The following OR56A3 variants were observed in gnomAD, a reference collection of about 807,000 sequenced individuals.
OR56A3 encodes the protein olfactory receptor family 56 subfamily A member 3, also known as olfactory receptor 56A3.
Under a neutral mutation model 17.5 loss-of-function variants are expected in OR56A3, and 23 were observed. The observed-to-expected ratio is 1.32, with a 90% CI of 0.95 to 1.87. The LOEUF is 1.87. OR56A3 is among the 40% of genes most tolerant of loss of function. The probability of loss-of-function intolerance (pLI) is 0.00; values close to 1 mark genes in which losing one functional copy is unlikely to be tolerated. For missense variants in OR56A3, 366 were observed against 380.1 expected, an observed-to-expected ratio of 0.96 and a Z score of 0.31; for synonymous variants, 175 against 150.6, an observed-to-expected ratio of 1.16 and a Z score of -1.19.
chr11:5,993,670 A>C, the OR56A3 span, among the ~76,000 whole-genome samples: 1 of 152,258 alleles, frequency 6.6e-6, no homozygotes, highest in Non-Finnish European at 1.5e-5. Context: ...GAGAAATATT[A>C]ATATAATGCA....
At position 5,947,610 on chromosome 11, in the gene OR56A3, C is replaced by G; in HGVS notation, c.264C>G (p.Ile88Met). The G allele has an allele frequency of 1.2e-6, 2 of 1,614,216 alleles. No homozygotes were observed. Among genetic ancestry groups the G allele is most frequent in the Non-Finnish European group, 1.7e-6 (2 of 1,180,032 alleles). The change falls in exon 3 of 3, where the codon ATC becomes ATG. Residue 88 changes from isoleucine to methionine, a missense_variant. Physicochemically the swap from Ile to Met is conservative, Grantham distance 10 (BLOSUM62 1). Transcript: ENST00000641160. Reference protein sequence around the residue: ...CLTVIPKVLTIFWFDLRPISF... With the variant: ...CLTVIPKVLTMFWFDLRPISF... ...CTGTCATCCCCAAGGTCCTGACCAT[C>G]TTCTGGTTTGACCTCAGGCCCATCA...
At chr11:6,014,459 T>C in the OR56A3 span, among the ~76,000 whole-genome samples, 1 of 152,198 alleles carries the variant, frequency 6.6e-6, no homozygotes, top group African/African-American at 2.4e-5. Flanking sequence ...TTGGTCATGC[T>C]CCTTCCATGT....
At chr11:6,021,770 T>C in the OR56A3 span, 1 of 151,874 alleles carries the variant, frequency 6.6e-6, no homozygotes, top group South Asian at 2.1e-4. Flanking sequence ...TTGAAAACAA[T>C]GATCAGGAGA....
In OR56A3 at chr11:5,947,648, G is replaced by A; in HGVS notation, c.302G>A (p.Cys101Tyr). The change falls in exon 3 of 3, where the codon TGC becomes TAC. Residue 101 changes from cysteine (C) to tyrosine (Y), a missense_variant. Cys to Tyr is a radical substitution (Grantham distance 194). Coordinates refer to ENST00000641160, the MANE Select transcript of OR56A3 (RefSeq NM_001003443.3). ...FDLRPISFPA[C>Y]FLQMYIMNCF... ...CTCAGGCCCATCAGCTTCCCTGCCT[G>A]CTTCCTCCAGATGTACATCATGAAT... The A allele has an allele frequency of 1.9e-6, 3 of 1,614,154 alleles. No individual in the cohort carries two copies. Among genetic ancestry groups the A allele is most frequent in the Non-Finnish European group, 2.5e-6 (3 of 1,180,030 alleles).
intron 1 of OR56A3, among the ~76,000 whole-genome samples, chr11:5,943,117 T>A (rs934686204): frequency 6.6e-6 from 1 of 152,236 alleles, no homozygotes; most frequent in Non-Finnish European, 1.5e-5. Flanking sequence ...TGTTTCCAGA[T>A]GCTTTACTTC....
chr11:5,949,691 A>G lies in OR56A3; in HGVS notation c.*1397A>G, dbSNP rs1847896733. 1 of 152,110 alleles carries G rather than the reference A, an allele frequency of 6.6e-6. No individual in the cohort carries two copies. The highest frequency in any genetic ancestry group is 1.5e-5 in the Non-Finnish European group (1 of 68,032). The allele number at this position is 152,110 out of a possible 1,614,324, so 9.4% of individuals were successfully genotyped here. ...GTCCGAATGTTTTAAATTTAACTGA[A>G]AGCATCTGAGATTAAGCCCTGTCCT... On this transcript the variant is annotated 3_prime_UTR_variant, in exon 3 of 3. Coordinates refer to ENST00000641160, the MANE Select transcript of OR56A3 (RefSeq NM_001003443.3).
rs1847893736 is a variant in OR56A3, at chr11:5,949,164, T to C, written c.*870T>C. ...ATTATTTTCTCATTAATTGGACAGC[T>C]TCTAAGCACACATGGTGTCCTGTGA... On this transcript the variant is annotated 3_prime_UTR_variant, in exon 3 of 3. Coordinates refer to ENST00000641160, the MANE Select transcript of OR56A3 (RefSeq NM_001003443.3). 6.6e-6 allele frequency: 1 copy of C among 152,224 alleles called. No homozygotes were observed. Among genetic ancestry groups the C allele is most frequent in the African/African-American group, 2.4e-5 (1 of 41,452 alleles). The allele number at this position is 152,224 out of a possible 1,614,324, so 9.4% of individuals were successfully genotyped here.
At chr11:6,014,709 A>G in the OR56A3 span, among the ~76,000 whole-genome samples, 2 of 152,138 alleles carry the variant, frequency 1.3e-5, no homozygotes, top group Non-Finnish European at 2.9e-5. Context: ...TAAAGTTTGG[A>G]CCTTCCTAGA....
At chr11:5,973,448 AT>A in the OR56A3 span, among the ~76,000 whole-genome samples, 5 of 152,142 alleles carry the variant, frequency 3.3e-5, no homozygotes, top group African/African-American at 4.8e-5. Flanking sequence ...GAATCAACAT[AT>A]TTTTGTCGAA....
the OR56A3 span, among the ~76,000 whole-genome samples, chr11:5,959,129 T>C: frequency 0.26 from 39,191 of 152,122 alleles, 5,057 homozygotes; most frequent in Non-Finnish European, 0.27. Flanking sequence ...TTTCTTTCCT[T>C]TGGATATATA....
At chr11:5,995,120 G>T in the OR56A3 span, 1 of 578,292 alleles carries the variant, frequency 1.7e-6, no homozygotes, top group South Asian at 1.9e-5. Context: ...CCCAGGGACC[G>T]GTAGTTGGTG....
At chr11:5,960,429 G>T in the OR56A3 span, among the ~76,000 whole-genome samples, 1 of 152,210 alleles carries the variant, frequency 6.6e-6, no homozygotes, top group Non-Finnish European at 1.5e-5. Context: ...CTGACTGGTT[G>T]TCGTATTTTT....
At chr11:5,977,106 A>G in the OR56A3 span, among the ~76,000 whole-genome samples, 3 of 152,014 alleles carry the variant, frequency 2.0e-5, no homozygotes, top group Non-Finnish European at 4.4e-5. Flanking sequence ...TCTTTATCCA[A>G]CCCACTGTTG....
the OR56A3 span, among the ~76,000 whole-genome samples, chr11:5,966,575 T>C: frequency 1 from 152,041 of 152,154 alleles, 75,964 homozygotes; most frequent in Non-Finnish European, 1. Context: ...ATATAGGTCC[T>C]ACCTATATAC....
chr11:5,944,768 C>T (rs890210171), intron 1 of OR56A3, 38 bp from the exon 2 acceptor site: 4 of 152,146 alleles, frequency 2.6e-5, no homozygotes, highest in African/African-American at 4.8e-5. Context: ...TCATTTTGAA[C>T]TTATCAGGTC....
Position 5,949,536 on chromosome 11 carries a change from C to T in OR56A3, c.*1242C>T, listed in dbSNP as rs60649466. On this transcript the variant is annotated 3_prime_UTR_variant, in exon 3 of 3. Coordinates refer to ENST00000641160, the MANE Select transcript of OR56A3 (RefSeq NM_001003443.3). ...TCATCCAATACCTGATAATAGTGAG[C>T]GATTTGTTTTAGAATATTCTTCTAA... is the stretch of plus-strand genomic sequence containing the variant. 2 of 152,236 alleles carry T rather than the reference C, an allele frequency of 1.3e-5. No homozygotes were observed. The highest frequency in any genetic ancestry group is 1.9e-4 in the East Asian group (1 of 5,190). The allele number at this position is 152,236 out of a possible 1,614,324, so 9.4% of individuals were successfully genotyped here.
the OR56A3 span, among the ~76,000 whole-genome samples, chr11:6,011,384 A>T: frequency 2.1e-4 from 32 of 152,072 alleles, no homozygotes; most frequent in African/African-American, 7.5e-4. Flanking sequence ...GTTCTTAAAC[A>T]ATAAATTTTT....
At chr11:5,958,136 T>C in the OR56A3 span, among the ~76,000 whole-genome samples, 1 of 152,214 alleles carries the variant, frequency 6.6e-6, no homozygotes, top group African/African-American at 2.4e-5. Flanking sequence ...CTCTTTTTTT[T>C]CTATTATCTC....
the OR56A3 span, chr11:6,003,190 C>A: frequency 3.0e-6 from 4 of 1,317,718 alleles, no homozygotes; most frequent in Non-Finnish European, 4.2e-6. Context: ...ATGCCAGCCA[C>A]AATGTTTTAT....
Sources: allele counts gnomAD v4.1 joint callset (sites outside exome capture counted in the v4.1 genomes callset), GRCh38; gene constraint gnomAD v4.1.1; transcripts MANE v1.5; gene names NCBI Gene and HGNC (gene_info 2026-07-23, HGNC 2026-07-21).